FAM124B: variants seen among roughly 807,000 people sequenced by gnomAD.
FAM124B encodes protein FAM124B.
FAM124B carries 18 observed loss-of-function variants against 19.7 expected under a neutral mutation model. The observed-to-expected ratio is 0.92, with a 90% CI of 0.63 to 1.36. The LOEUF is 1.36. Among genes scored for constraint, FAM124B ranks in the 40% most tolerant of loss-of-function variants. FAM124B has a pLI of 0.00. For missense variants in FAM124B, 540 were observed against 553.3 expected (o/e 0.98, Z 0.24); for synonymous variants, 223 against 225.2 (o/e 0.99, Z 0.09).
intron 1 of FAM124B, among the ~76,000 whole-genome samples, chr2:224,396,642 G>C (rs185540907): frequency 1.3e-5 from 2 of 152,330 alleles, no homozygotes; most frequent in Admixed American, 1.3e-4. Context: ...AAGTCCCACA[G>C]AACACCACAC....
At position 224,380,226 on chromosome 2, in the gene FAM124B, A is replaced by T; in HGVS notation, c.733-18T>A. 12 of 1,519,272 alleles carry T rather than the reference A, an allele frequency of 7.9e-6. No homozygotes were observed. The highest frequency in any genetic ancestry group is 1.1e-5 in the Non-Finnish European group (12 of 1,129,226). 94.1% of individuals were successfully genotyped at this position (1,519,272 alleles called of 1,614,324 possible). A position where few individuals can be genotyped will look rare whatever the true frequency, so the allele number is the denominator to read the frequency against. On this transcript the variant is annotated intron_variant, in intron 1 of 1. Transcript: ENST00000409685. ...AGCTGAACCTACAGGAAAGGAAAGG[A>T]GGAACATATGAAACATAATTTCCAT...
chr2:224,399,783 C>A (rs1690032468), intron 1 of FAM124B: 1 of 152,074 alleles, frequency 6.6e-6, no homozygotes, highest in Admixed American at 6.6e-5. Flanking sequence ...TTAAGAGAAT[C>A]CTTAGTATAG....
chr2:224,383,589 A>G (rs534305495), intron 1 of FAM124B, among the ~76,000 whole-genome samples: 1 of 152,266 alleles, frequency 6.6e-6, no homozygotes, highest in Admixed American at 6.5e-5. Context: ...GTACAAATGT[A>G]TAAAATAAAA....
chr2:224,400,507 T>C, intron 1 of FAM124B: 1 of 688,652 alleles, frequency 1.5e-6, no homozygotes, highest in Non-Finnish European at 2.6e-6. Flanking sequence ...CTCCCATCTC[T>C]AAAAAATAAA....
intron 1 of FAM124B, among the ~76,000 whole-genome samples, chr2:224,384,252 C>T (rs192472415): frequency 5.3e-5 from 8 of 152,272 alleles, no homozygotes; most frequent in East Asian, 3.9e-4. Context: ...CCATGGGCTC[C>T]GGCACTCAAT....
chr2:224,386,853 A>C (rs1689807438), intron 1 of FAM124B, among the ~76,000 whole-genome samples: 1 of 152,280 alleles, frequency 6.6e-6, no homozygotes, highest in Admixed American at 6.5e-5. Context: ...ATGAGAATGT[A>C]GCACCTATAA....
chr2:224,394,610 T>C (rs1172364604), intron 1 of FAM124B, among the ~76,000 whole-genome samples: 32 of 152,196 alleles, frequency 2.1e-4, no homozygotes, highest in Non-Finnish European at 2.9e-5. Context: ...ATTATAGGTA[T>C]GAGCATGTCT....
At chr2:224,384,007 G>A (rs1306044882) in intron 1 of FAM124B, among the ~76,000 whole-genome samples, 4 of 152,194 alleles carry the variant, frequency 2.6e-5, no homozygotes, top group African/African-American at 7.2e-5. Context: ...ACAGAGAGAA[G>A]CCTGAGTAAT....
intron 1 of FAM124B, among the ~76,000 whole-genome samples, chr2:224,384,954 A>G (rs1292766504): frequency 2.0e-5 from 3 of 151,890 alleles, no homozygotes; most frequent in African/African-American, 7.3e-5. Flanking sequence ...TCCAACAGCA[A>G]TTAAACTTGT....
rs1470981979 is a variant in FAM124B at position 224,379,201 on chromosome 2, AAAAATT to A, written c.*366_*371del. ...GGGGGATGAGCTATGCAACCTAAGT[AAAAATT>A]AAAACCAAATTACAGACACTAATTA... On this transcript the variant is annotated 3_prime_UTR_variant, in exon 2 of 2. Coordinates refer to ENST00000409685, the MANE Select transcript of FAM124B (RefSeq NM_001122779.2). 5.5e-6 allele frequency: 1 copy of A among 181,826 alleles called. No homozygotes were observed. The highest frequency in any genetic ancestry group is 5.4e-5 in the Admixed American group (1 of 18,636). 11.3% of individuals were successfully genotyped at this position (181,826 alleles called of 1,614,324 possible). A position where few individuals can be genotyped will look rare whatever the true frequency, so the allele number is the denominator to read the frequency against.
chr2:224,381,151 C>A (rs183660800), intron 1 of FAM124B, among the ~76,000 whole-genome samples: 1 of 152,290 alleles, frequency 6.6e-6, no homozygotes, highest in Admixed American at 6.5e-5. Flanking sequence ...TACGGAAGAA[C>A]TTGCAATAAA....
At chr2:224,383,512 CTGTT>C (rs537117746) in intron 1 of FAM124B, among the ~76,000 whole-genome samples, 66 of 151,394 alleles carry the variant, frequency 4.4e-4, no homozygotes, top group Non-Finnish European at 8.5e-4. Context: ...TCCTTTTCAT[CTGTT>C]TGTTTTTTTA....
rs1200873938 is a variant in FAM124B, at chr2:224,401,278, G to A, written c.491C>T (p.Ala164Val). Residue 164 changes from alanine to valine, a missense_variant, in exon 1 of 2, where the codon GCG becomes GTG. Physicochemically the swap from Ala to Val is moderately conservative, Grantham distance 64. Coordinates refer to ENST00000409685, the MANE Select transcript of FAM124B (RefSeq NM_001122779.2). Reference protein sequence around the residue: ...RLYEMILQREATLQKSNFCFF... With the variant: ...RLYEMILQREVTLQKSNFCFF... ...ACAAAAATTGCTCTTTTGCAAGGTC[G>A]CTTCTCTCTGCAGGATCATCTCGTA... The A allele has an allele frequency of 6.8e-6, 11 of 1,613,922 alleles. No homozygotes were observed. Among genetic ancestry groups the A allele is most frequent in the Admixed American group, 1.7e-5 (1 of 59,980 alleles).
intron 1 of FAM124B, among the ~76,000 whole-genome samples, chr2:224,380,483 G>A (rs1383887628): frequency 6.6e-6 from 1 of 152,146 alleles, no homozygotes; most frequent in African/African-American, 2.4e-5. Flanking sequence ...CCACACTTCT[G>A]GTAGAGCAAG....
At chr2:224,390,114 T>TATACAC (rs1689856492) in intron 1 of FAM124B, among the ~76,000 whole-genome samples, 1 of 131,702 alleles carries the variant, frequency 7.6e-6, no homozygotes. Context: ...GTCTTTGAAA[T>TATACAC]ACACACACAC....
intron 1 of FAM124B, among the ~76,000 whole-genome samples, chr2:224,395,828 G>T (rs16865942): frequency 0.21 from 31,396 of 152,070 alleles, 3,381 homozygotes; most frequent in South Asian, 0.25. Flanking sequence ...CACTGGGCGC[G>T]CTGGCAGAGA....
At chr2:224,385,157 C>A (rs921389064) in intron 1 of FAM124B, among the ~76,000 whole-genome samples, 1 of 152,170 alleles carries the variant, frequency 6.6e-6, no homozygotes, top group Admixed American at 6.5e-5. Flanking sequence ...CCTGCCTCAC[C>A]CTTTACTGTC....
intron 1 of FAM124B, among the ~76,000 whole-genome samples, chr2:224,394,616 T>C (rs530744274): frequency 2.6e-5 from 4 of 152,222 alleles, no homozygotes; most frequent in Non-Finnish European, 4.4e-5. Flanking sequence ...GGTATGAGCA[T>C]GTCTGCCCCT....
At chr2:224,384,699 A>G (rs1358534891) in intron 1 of FAM124B, among the ~76,000 whole-genome samples, 2 of 152,178 alleles carry the variant, frequency 1.3e-5, no homozygotes, top group African/African-American at 2.4e-5. Flanking sequence ...TGGTCTCACC[A>G]TCCAGATTAT....
Sources: allele counts gnomAD v4.1 joint callset (sites outside exome capture counted in the v4.1 genomes callset), GRCh38; gene constraint gnomAD v4.1.1; transcripts MANE v1.5; gene names NCBI Gene and HGNC (gene_info 2026-07-23, HGNC 2026-07-21).